Variants in SPATA16 observed in about 807,000 individuals in gnomAD.
SPATA16 encodes the protein spermatogenesis associated 16.
SPATA16 carries 36 observed loss-of-function variants against 63.3 expected under a neutral mutation model. The ratio of observed to expected loss-of-function variants is 0.57; its 90% CI spans 0.44 to 0.75. The LOEUF (loss-of-function observed/expected upper bound fraction) is 0.75, where lower values mean the gene tolerates loss of function less well. SPATA16 is among the 30% of genes least tolerant of loss of function. SPATA16 has a pLI of 0.00. For missense variants in SPATA16, 646 were observed against 679.3 expected (o/e 0.95, Z 0.54); for synonymous variants, 203 against 216.7 (o/e 0.94, Z 0.56).
At chr3:173,104,185 G>A (rs1460007175) in intron 2 of SPATA16, among the ~76,000 whole-genome samples, 1 of 152,066 alleles carries the variant, frequency 6.6e-6, no homozygotes, top group Non-Finnish European at 1.5e-5. Flanking sequence ...TAACATTTTG[G>A]TTACAATTAT....
chr3:173,044,229 T>G (rs1402795427), intron 3 of SPATA16, among the ~76,000 whole-genome samples: 3 of 152,172 alleles, frequency 2.0e-5, no homozygotes, highest in Non-Finnish European at 2.9e-5. Context: ...TTAGATTTCT[T>G]GTTACTATCC....
rs1409401588 is a variant in SPATA16 at position 173,004,062 on chromosome 3, A to G, written c.848+15424T>C. 2.0e-5 allele frequency among the ~76,000 whole-genome samples: 3 copies of G among 152,212 alleles called. No homozygotes were observed. The East Asian group carries it at 5.8e-4, about 29-fold the overall frequency. ...TCTCTAGTGTACCTAATTACTCTTT[A>G]GCAGACCGATCCAGAAACAGAACTT... is the stretch of plus-strand genomic sequence containing the variant. On this transcript the variant is annotated intron_variant, in intron 4 of 10. Coordinates refer to ENST00000351008, the MANE Select transcript of SPATA16 (RefSeq NM_031955.6).
At chr3:173,052,437 T>C (rs1473575133) in intron 2 of SPATA16, among the ~76,000 whole-genome samples, 1 of 152,222 alleles carries the variant, frequency 6.6e-6, no homozygotes, top group Non-Finnish European at 1.5e-5. Flanking sequence ...TGTATGTTTG[T>C]TGAATTCTTG....
chr3:173,134,403 C>T (rs968211637), intron 1 of SPATA16, among the ~76,000 whole-genome samples: 4 of 151,820 alleles, frequency 2.6e-5, no homozygotes, highest in Admixed American at 2.0e-4. Flanking sequence ...GCAGGAGGAT[C>T]ACTTGAACCC....
intron 6 of SPATA16, among the ~76,000 whole-genome samples, chr3:172,931,579 C>G (rs1386085925): frequency 6.6e-6 from 1 of 152,110 alleles, no homozygotes; most frequent in East Asian, 1.9e-4. Flanking sequence ...GCCTCAAGCA[C>G]CTAGCAGATG....
At chr3:173,064,321 A>AAAAAAAAC in intron 2 of SPATA16, among the ~76,000 whole-genome samples, 1 of 95,432 alleles carries the variant, frequency 1.0e-5, no homozygotes, top group African/African-American at 6.5e-5. Flanking sequence ...CACGCACACC[A>AAAAAAAAC]AAAAAAAAAA....
chr3:173,132,030 T>C (rs1262048617), intron 1 of SPATA16, among the ~76,000 whole-genome samples: 1 of 151,898 alleles, frequency 6.6e-6, no homozygotes, highest in Non-Finnish European at 1.5e-5. Flanking sequence ...ACATTAGAGC[T>C]AGGTAAGGAA....
chr3:173,095,102 G>A lies in SPATA16; in HGVS notation c.612+22018C>T, dbSNP rs553888014. Among the ~76,000 whole-genome samples, 5 of 152,258 alleles carry A rather than the reference G, an allele frequency of 3.3e-5. No homozygotes were observed. The South Asian group carries it at 1.0e-3, about 32-fold the overall frequency. On this transcript the variant is annotated intron_variant, in intron 2 of 10. Coordinates refer to ENST00000351008, the MANE Select transcript of SPATA16 (RefSeq NM_031955.6). The stretch of plus-strand genomic sequence containing the variant: ...CAAGCTCTAGCTTTGCTACTTACTA[G>A]TAGGGTGATCTTTATCAAGTTATCT...
At chr3:173,088,080 GTCTTT>G (rs1308774548) in intron 2 of SPATA16, among the ~76,000 whole-genome samples, 1 of 37,702 alleles carries the variant, frequency 2.7e-5, no homozygotes, top group African/African-American at 9.2e-5. Context: ...CTTTCTTTCT[GTCTTT>G]TCTTTTTTTT....
chr3:172,897,268 A>T (rs1732027218), intron 10 of SPATA16, among the ~76,000 whole-genome samples: 1 of 152,112 alleles, frequency 6.6e-6, no homozygotes, highest in Non-Finnish European at 1.5e-5. Context: ...TACAGGATAT[A>T]TCGGTTTATT....
At chr3:173,112,272 G>A (rs1010833584) in intron 2 of SPATA16, among the ~76,000 whole-genome samples, 4 of 152,142 alleles carry the variant, frequency 2.6e-5, no homozygotes, top group African/African-American at 9.7e-5. Flanking sequence ...AAAATGTAGG[G>A]GCCAAACTTC....
chr3:173,066,838 A>G (rs1736532683), intron 2 of SPATA16, among the ~76,000 whole-genome samples: 1 of 152,140 alleles, frequency 6.6e-6, no homozygotes, highest in Admixed American at 6.5e-5. Flanking sequence ...ACCAGTGGCC[A>G]CTCCCGGAGT....
intron 2 of SPATA16, among the ~76,000 whole-genome samples, chr3:173,072,267 C>T (rs944256466): frequency 6.6e-6 from 1 of 152,156 alleles, no homozygotes; most frequent in Non-Finnish European, 1.5e-5. Context: ...TTTGCAGCCA[C>T]CTTGATGCAG....
At chr3:172,909,983 T>C (rs1732330833) in intron 10 of SPATA16, among the ~76,000 whole-genome samples, 1 of 152,162 alleles carries the variant, frequency 6.6e-6, no homozygotes, top group Admixed American at 6.5e-5. Context: ...TAGAAGTTAA[T>C]AATTGGATTA....
intron 2 of SPATA16, among the ~76,000 whole-genome samples, chr3:173,055,990 G>A (rs1340584305): frequency 6.6e-6 from 1 of 152,108 alleles, no homozygotes; most frequent in Non-Finnish European, 1.5e-5. Context: ...TTTTAATCAT[G>A]TTTAACTGGG....
chr3:173,016,131 A>G (rs1031925036), intron 4 of SPATA16, among the ~76,000 whole-genome samples: 2 of 152,214 alleles, frequency 1.3e-5, no homozygotes, highest in Non-Finnish European at 2.9e-5. Context: ...CATCTCCGCA[A>G]TGTGACTAGC....
chr3:172,913,455 AG>A (rs1173632936), intron 10 of SPATA16, among the ~76,000 whole-genome samples: 3 of 152,226 alleles, frequency 2.0e-5, no homozygotes, highest in African/African-American at 7.2e-5. Context: ...ATATGAACAC[AG>A]CCTGTTGGAA....
intron 5 of SPATA16, among the ~76,000 whole-genome samples, chr3:172,969,989 A>G (rs1323068186): frequency 6.6e-6 from 1 of 152,198 alleles, no homozygotes; most frequent in Non-Finnish European, 1.5e-5. Context: ...GCTTGGAGGT[A>G]AGCCAAGCCC....
At chr3:172,975,515 C>A (rs1734136946) in intron 5 of SPATA16, among the ~76,000 whole-genome samples, 2 of 152,030 alleles carry the variant, frequency 1.3e-5, no homozygotes, top group East Asian at 3.8e-4. Context: ...TAAAAAAGTC[C>A]TCTTTGTATA....
Sources: gnomAD v4.1 joint callset for allele counts (sites outside exome capture counted in the v4.1 genomes callset) on GRCh38, gnomAD v4.1.1 for gene constraint, MANE v1.5 for transcripts, NCBI Gene and HGNC (gene_info 2026-07-23, HGNC 2026-07-21) for gene names.